DNAH11: variants seen among roughly 807,000 people sequenced by gnomAD.
The protein encoded by DNAH11 is axonemal beta dynein heavy chain 11.
In DNAH11, 442 loss-of-function variants were observed where a neutral mutation model predicts 526.0. The ratio of observed to expected loss-of-function variants is 0.84; its 90% CI spans 0.78 to 0.91. The LOEUF (loss-of-function observed/expected upper bound fraction) is 0.91. DNAH11 is among the 40% of genes least tolerant of loss of function. The probability of loss-of-function intolerance (pLI) is 0.00; values close to 1 mark genes in which losing one functional copy is unlikely to be tolerated. For synonymous variants in DNAH11, 2,461 were observed against 1,935.9 expected (o/e 1.27, Z -7.12); for missense variants, 6,989 against 5,448.7 (o/e 1.28, Z -8.90).
Position 21,591,575 on chromosome 7 carries a change from G to A in DNAH11, c.2665G>A (p.Glu889Lys), listed in dbSNP as rs767231963. 15 of 1,551,282 alleles carry A rather than the reference G, an allele frequency of 9.7e-6. No individual in the cohort carries two copies. The Admixed American group carries it at 1.3e-4, about 14-fold the overall frequency. Residue 889 changes from glutamate to lysine, a missense_variant and splice_region_variant, in exon 14 of 82, where the codon GAG (glutamate) becomes AAG (lysine). Glu to Lys is a moderately conservative substitution (Grantham distance 56). Coordinates refer to ENST00000409508, the MANE Select transcript of DNAH11 (RefSeq NM_001277115.2). ...GDGCKIHNLV[E>K]ENRKLFKANP... ...TGGCTGCAAGATCCACAACTTGGTC[G>A]AGGTAATGGCTTTTAACCTTTCAAG...
In DNAH11 at chr7:21,712,725, C is replaced by G. The variant is rs529616468; in HGVS notation, c.6983+865C>G. On this transcript the variant is annotated intron_variant, in intron 42 of 81. Transcript: ENST00000409508. Reference sequence around the variant, plus strand: ...TTCTTTGCCCAGTTTTTAATCGGTGCTTTTTAAAATTGTGCCTGGATCTTG... The same window carrying G: ...TTCTTTGCCCAGTTTTTAATCGGTGGTTTTTAAAATTGTGCCTGGATCTTG... Among the ~76,000 whole-genome samples the G allele has an allele frequency of 1.2e-3, 178 of 152,232 alleles. 1 individual carries two copies. The highest frequency in any genetic ancestry group is 4.1e-3 in the African/African-American group (171 of 41,544).
At chr7:21,579,810 G>A (rs1286219524) in intron 8 of DNAH11, among the ~76,000 whole-genome samples, 2 of 152,160 alleles carry the variant, frequency 1.3e-5, no homozygotes, top group Non-Finnish European at 2.9e-5. Flanking sequence ...GTCAGCCATT[G>A]GAGGATGAAT....
intron 26 of DNAH11, among the ~76,000 whole-genome samples, chr7:21,637,393 A>G (rs1562719253): frequency 2.0e-5 from 3 of 152,130 alleles, no homozygotes; most frequent in African/African-American, 7.2e-5. Flanking sequence ...TGCTTATCAC[A>G]TTTATTTTTA....
chr7:21,557,021 C>T (rs895154919), intron 2 of DNAH11, among the ~76,000 whole-genome samples: 2 of 151,624 alleles, frequency 1.3e-5, no homozygotes, highest in African/African-American at 2.4e-5. Flanking sequence ...CGAGATCTTG[C>T]CACTGCACTT....
chr7:21,573,166 C>G (rs1783959475), intron 8 of DNAH11, among the ~76,000 whole-genome samples: 1 of 152,194 alleles, frequency 6.6e-6, no homozygotes, highest in Non-Finnish European at 1.5e-5. Flanking sequence ...CTACCTTGGC[C>G]ATGCCAAAGG....
intron 45 of DNAH11, among the ~76,000 whole-genome samples, chr7:21,735,294 C>T (rs1785555154): frequency 6.6e-6 from 1 of 152,148 alleles, no homozygotes; most frequent in Non-Finnish European, 1.5e-5. Flanking sequence ...TTACTATATT[C>T]CCTTCTGTGC....
intron 46 of DNAH11, 66 bp downstream of exon 46, chr7:21,735,910 C>G: frequency 7.1e-7 from 1 of 1,416,224 alleles, no homozygotes; most frequent in South Asian, 1.5e-5. Context: ...CACATGCAGC[C>G]CAAAAGACTA....
In DNAH11 at chr7:21,599,938, C is replaced by T. The variant is rs772478778; in HGVS notation, c.2819C>T (p.Pro940Leu). Residue 940 changes from proline to leucine, a missense_variant, in exon 15 of 82, where the codon CCG becomes CTG. Coordinates refer to ENST00000409508, the MANE Select transcript of DNAH11 (RefSeq NM_001277115.2). Reference sequence around the variant, plus strand: ...AAGAATACAGAGAAACAATTGAAACCGGCACCGTTTTTTCAAGCACAAATG... The same window carrying T: ...AAGAATACAGAGAAACAATTGAAACTGGCACCGTTTTTTCAAGCACAAATG... ...FLKNTEKQLKPAPFFQAQMIL... is the reference protein window; with the variant it reads ...FLKNTEKQLKLAPFFQAQMIL... The T allele has an allele frequency of 1.4e-5, 23 of 1,613,096 alleles. No homozygotes were observed. The highest frequency in any genetic ancestry group is 7.7e-5 in the South Asian group (7 of 91,040).
At chr7:21,583,929 CAG>C (rs1330720832) in intron 9 of DNAH11, among the ~76,000 whole-genome samples, 1 of 152,160 alleles carries the variant, frequency 6.6e-6, no homozygotes, top group African/African-American at 2.4e-5. Flanking sequence ...CAGGAAACAA[CAG>C]ATGCTAGAGG....
At chr7:21,697,852 C>T (rs921450825) in intron 35 of DNAH11, among the ~76,000 whole-genome samples, 1 of 152,174 alleles carries the variant, frequency 6.6e-6, no homozygotes, top group African/African-American at 2.4e-5. Flanking sequence ...ACTCCTACAC[C>T]TGTGCTTCTG....
chr7:21,687,532 G>A lies in DNAH11; in HGVS notation c.5924+5G>A, dbSNP rs778273021. Reference sequence around the variant, plus strand: ...CATCAGAAACAGGAAGAAGAGGTGAGTGGCATGCAGGCTATCTCTTGTTAC... The same window carrying A: ...CATCAGAAACAGGAAGAAGAGGTGAATGGCATGCAGGCTATCTCTTGTTAC... On this transcript the variant is annotated splice_donor_5th_base_variant and intron_variant, in intron 34 of 81. Coordinates refer to ENST00000409508, the MANE Select transcript of DNAH11 (RefSeq NM_001277115.2). 1 of 1,612,424 alleles carries A rather than the reference G, an allele frequency of 6.2e-7. No individual in the cohort carries two copies. Among genetic ancestry groups the A allele is most frequent in the Non-Finnish European group, 8.5e-7 (1 of 1,179,228 alleles).
chr7:21,737,043 C>T (rs528273183), intron 46 of DNAH11, among the ~76,000 whole-genome samples: 6 of 152,154 alleles, frequency 3.9e-5, no homozygotes, highest in South Asian at 2.1e-4. Context: ...GGCATGAATA[C>T]GATTTAGAGA....
chr7:21,879,034 GA>G (rs914647659), intron 74 of DNAH11, among the ~76,000 whole-genome samples: 2 of 152,150 alleles, frequency 1.3e-5, no homozygotes, highest in Admixed American at 6.5e-5. Context: ...GAACATGGGT[GA>G]AATATGACTT....
intron 11 of DNAH11, 114 bp downstream of exon 11, chr7:21,588,750 C>T: frequency 8.0e-7 from 1 of 1,242,322 alleles, no homozygotes; most frequent in Non-Finnish European, 1.1e-6. Flanking sequence ...CTGTTCACTT[C>T]TCTCACTGGT....
At chr7:21,793,762 C>T (rs914428939) in intron 61 of DNAH11, among the ~76,000 whole-genome samples, 2 of 152,146 alleles carry the variant, frequency 1.3e-5, no homozygotes, top group Admixed American at 6.5e-5. Context: ...TGTTAGTGAG[C>T]GTAGGGTGTT....
At position 21,741,934 on chromosome 7, in the gene DNAH11, T is replaced by C. The variant is rs751907726; in HGVS notation, c.7922T>C (p.Phe2641Ser). 11 of 1,613,634 alleles carry C rather than the reference T, an allele frequency of 6.8e-6. No homozygotes were observed. The highest frequency in any genetic ancestry group is 9.3e-6 in the Non-Finnish European group (11 of 1,179,804). ...ATTTGCTTTTCTTTTCAGAGACATTTCACAGTGTTTGCATTCAATTTTCCA... is the reference window on the plus strand; with the variant it reads ...ATTTGCTTTTCTTTTCAGAGACATTCCACAGTGTTTGCATTCAATTTTCCA... Reference protein sequence around the residue: ...FTINPRLQRHFTVFAFNFPSL... With the variant: ...FTINPRLQRHSTVFAFNFPSL... Residue 2641 changes from phenylalanine (F) to serine (S), a missense_variant, in exon 49 of 82, where the codon TTC (phenylalanine) becomes TCC (serine). Physicochemically the swap from Phe to Ser is radical, Grantham distance 155. Coordinates refer to ENST00000409508, the MANE Select transcript of DNAH11 (RefSeq NM_001277115.2).
chr7:21,800,425 A>G (rs539152999), intron 61 of DNAH11, among the ~76,000 whole-genome samples: 1 of 152,248 alleles, frequency 6.6e-6, no homozygotes, highest in African/African-American at 2.4e-5. Context: ...TGAGACCAGG[A>G]GTTCAAGACC....
chr7:21,594,098 A>ACTCT (rs1554317068), intron 14 of DNAH11, among the ~76,000 whole-genome samples: 1 of 147,982 alleles, frequency 6.8e-6, no homozygotes, highest in Non-Finnish European at 1.5e-5. Flanking sequence ...ACACACACAC[A>ACTCT]CTCTGAAGCC....
rs551038953 is a variant in DNAH11 at position 21,589,390 on chromosome 7, A to G, written c.2156A>G (p.Asn719Ser). The G allele has an allele frequency of 2.5e-5, 40 of 1,600,628 alleles. No individual in the cohort carries two copies. Among genetic ancestry groups the G allele is most frequent in the African/African-American group, 1.1e-4 (8 of 74,254 alleles). ...GCCATAAATGGTCTTCTCTGTGTCA[A>G]TTTTGACCCAAAGGTAGGGATTTGA... is the stretch of plus-strand genomic sequence containing the variant. ...FSAINGLLCV[N>S]FDPKLVAVLR... The change falls in exon 12 of 82, where the codon AAT (asparagine) becomes AGT (serine). Residue 719 changes from asparagine (N) to serine (S), a missense_variant. Physicochemically the swap from Asn to Ser is conservative, Grantham distance 46. Coordinates refer to ENST00000409508, the MANE Select transcript of DNAH11 (RefSeq NM_001277115.2).
Sources: allele counts gnomAD v4.1 joint callset (sites outside exome capture counted in the v4.1 genomes callset), GRCh38; gene constraint gnomAD v4.1.1; transcripts MANE v1.5; gene names NCBI Gene and HGNC (gene_info 2026-07-23, HGNC 2026-07-21).